Variants in NRXN1 observed in about 807,000 individuals in gnomAD.
The protein encoded by NRXN1 is neurexin-1.
In NRXN1, 39 loss-of-function variants were observed where a neutral mutation model predicts 150.9. That is an observed-to-expected ratio of 0.26 (90% CI 0.20 to 0.34). The LOEUF (loss-of-function observed/expected upper bound fraction) is 0.34. Ranked by LOEUF, NRXN1 falls within the 10% of genes least tolerant of loss-of-function variation. NRXN1 has a pLI of 1.00. For synonymous variants in NRXN1, 924 were observed against 757.0 expected, an observed-to-expected ratio of 1.22 and a Z score of -3.62; for missense variants, 1,815 against 1,949.9, an observed-to-expected ratio of 0.93 and a Z score of 1.30.
chr2:50,357,305 T>TATTTATTTATTTA (rs1553488170), intron 17 of NRXN1, among the ~76,000 whole-genome samples: 70 of 144,188 alleles, frequency 4.9e-4, no homozygotes, highest in Non-Finnish European at 1.0e-3. Flanking sequence ...TTTATTTATT[T>TATTTATTTATTTA]TTTTTTTTAT....
intron 21 of NRXN1, among the ~76,000 whole-genome samples, chr2:50,017,135 GCCTGCTGTACAATAATCCTTC>G (rs1686775467): frequency 6.6e-6 from 1 of 152,006 alleles, no homozygotes; most frequent in African/African-American, 2.4e-5. Context: ...AAACTTTTAG[GCCTGCTGTACAATAATCCTTC>G]CCTGCTGTGT....
intron 2 of NRXN1, among the ~76,000 whole-genome samples, chr2:50,931,926 G>A (rs1687806199): frequency 1.3e-5 from 2 of 151,674 alleles, no homozygotes; most frequent in Admixed American, 6.6e-5. Flanking sequence ...CAGTGTCACC[G>A]TGTTGGCTCA....
chr2:49,941,244 G>A (rs1186037716), intron 22 of NRXN1, among the ~76,000 whole-genome samples: 1 of 151,616 alleles, frequency 6.6e-6, no homozygotes, highest in East Asian at 2.0e-4. Context: ...AACAAAGGTA[G>A]AAAGATTCCC....
At chr2:49,982,863 G>C (rs547938060) in intron 21 of NRXN1, among the ~76,000 whole-genome samples, 1 of 152,054 alleles carries the variant, frequency 6.6e-6, no homozygotes, top group East Asian at 1.9e-4. Flanking sequence ...TAAAGACATA[G>C]TGTTTTTATA....
intron 21 of NRXN1, among the ~76,000 whole-genome samples, chr2:49,989,695 A>G (rs915525058): frequency 2.6e-5 from 4 of 152,166 alleles, no homozygotes; most frequent in African/African-American, 9.7e-5. Context: ...ATGCTGCCAG[A>G]AAGTAGAAGC....
intron 17 of NRXN1, among the ~76,000 whole-genome samples, chr2:50,348,413 G>T (rs769827923): frequency 1.3e-5 from 2 of 152,048 alleles, no homozygotes; most frequent in South Asian, 2.1e-4. Context: ...GAAAGAAATG[G>T]CATGAATAAA....
intron 17 of NRXN1, among the ~76,000 whole-genome samples, chr2:50,325,499 A>G (rs1181651524): frequency 6.6e-6 from 1 of 152,220 alleles, no homozygotes; most frequent in South Asian, 2.1e-4. Flanking sequence ...ATATCGTAAG[A>G]TGGTAAGCTA....
intron 21 of NRXN1, among the ~76,000 whole-genome samples, chr2:49,951,143 A>T (rs1451450186): frequency 6.6e-6 from 1 of 151,942 alleles, no homozygotes; most frequent in East Asian, 1.9e-4. Context: ...CTAACAGGCA[A>T]AACTCAAAGG....
At chr2:50,322,309 T>C (rs1027979268) in intron 17 of NRXN1, among the ~76,000 whole-genome samples, 1 of 152,168 alleles carries the variant, frequency 6.6e-6, no homozygotes, top group South Asian at 2.1e-4. Flanking sequence ...TACTTCGTGA[T>C]TGGAAGAGTG....
chr2:50,183,234 G>A (rs1175962444), intron 18 of NRXN1, among the ~76,000 whole-genome samples: 1 of 152,064 alleles, frequency 6.6e-6, no homozygotes, highest in Non-Finnish European at 1.5e-5. Context: ...AGAAGCATCT[G>A]CTCCTTAAAT....
intron 2 of NRXN1, among the ~76,000 whole-genome samples, chr2:50,940,269 G>A (rs1574995369): frequency 6.6e-6 from 1 of 152,028 alleles, no homozygotes. Flanking sequence ...GAGGTTAAGA[G>A]ATCGAGACCA....
At chr2:50,453,476 A>C (rs564539905) in intron 17 of NRXN1, among the ~76,000 whole-genome samples, 62 of 151,834 alleles carry the variant, frequency 4.1e-4, no homozygotes, top group African/African-American at 1.1e-3. Context: ...TTTTTTCTCA[A>C]CTCCTCCAAC....
chr2:50,964,289 T>C (rs1693695388), intron 2 of NRXN1, among the ~76,000 whole-genome samples: 1 of 151,498 alleles, frequency 6.6e-6, no homozygotes, highest in African/African-American at 2.4e-5. Context: ...GGGAAAACTA[T>C]GACCGTTTTC....
intron 5 of NRXN1, among the ~76,000 whole-genome samples, chr2:50,649,647 G>A (rs1423043995): frequency 1.3e-5 from 2 of 151,946 alleles, no homozygotes; most frequent in African/African-American, 2.4e-5. Context: ...ATGTAAAATG[G>A]AACTAGTAAT....
intron 17 of NRXN1, among the ~76,000 whole-genome samples, chr2:50,284,756 A>T (rs2152936653): frequency 6.6e-6 from 1 of 152,316 alleles, no homozygotes; most frequent in South Asian, 2.1e-4. Context: ...TATTTAAAAA[A>T]TTGTCATACA....
At chr2:49,961,749 C>G (rs780905315) in intron 21 of NRXN1, among the ~76,000 whole-genome samples, 17 of 152,188 alleles carry the variant, frequency 1.1e-4, no homozygotes, top group Non-Finnish European at 2.4e-4. Flanking sequence ...TGCTCTTCTA[C>G]TCTTTAATAG....
chr2:50,069,716 C>A (rs1221122348), intron 19 of NRXN1, among the ~76,000 whole-genome samples: 1 of 152,134 alleles, frequency 6.6e-6, no homozygotes, highest in Non-Finnish European at 1.5e-5. Context: ...GCTATACAGA[C>A]ACACCCACCT....
intron 17 of NRXN1, among the ~76,000 whole-genome samples, chr2:50,429,243 G>A (rs948241771): frequency 6.6e-6 from 1 of 150,468 alleles, no homozygotes; most frequent in Non-Finnish European, 1.5e-5. Flanking sequence ...TCTTTTTTTA[G>A]GAAAAAAAAA....
chr2:50,787,337 A>C (rs1364891393), intron 5 of NRXN1, among the ~76,000 whole-genome samples: 1 of 152,038 alleles, frequency 6.6e-6, no homozygotes, highest in Non-Finnish European at 1.5e-5. Flanking sequence ...AGGTGAGTGG[A>C]TCACCTGATG....
Sources: allele counts gnomAD v4.1 joint callset (sites outside exome capture counted in the v4.1 genomes callset), GRCh38; gene constraint gnomAD v4.1.1; transcripts MANE v1.5; gene names NCBI Gene and HGNC (gene_info 2026-07-23, HGNC 2026-07-21).